The following ATP6AP1 variants were observed in gnomAD, a reference collection of about 807,000 sequenced individuals.
The protein encoded by ATP6AP1 is V-type proton ATPase subunit S1.
Under a neutral mutation model 32.0 loss-of-function variants are expected in ATP6AP1, and 1 was observed. The ratio of observed to expected loss-of-function variants is 0.03; its 90% CI spans 0.01 to 0.15. The LOEUF (loss-of-function observed/expected upper bound fraction) is 0.15, where lower values mean the gene tolerates loss of function less well. Among genes scored for constraint, ATP6AP1 ranks in the 10% least tolerant of loss-of-function variants. ATP6AP1 has a pLI of 1.00. For synonymous variants in ATP6AP1, 187 were observed against 174.9 expected, an observed-to-expected ratio of 1.07 and a Z score of -0.55; for missense variants, 297 against 398.8, an observed-to-expected ratio of 0.74 and a Z score of 2.17.
At position 154,433,646 on chromosome X, in the gene ATP6AP1, G is replaced by A. The variant is rs782696227; in HGVS notation, c.610G>A (p.Gly204Arg). Residue 204 changes from glycine (G) to arginine (R), a missense_variant, in exon 6 of 10, where the codon GGG becomes AGG. Physicochemically the swap from Gly to Arg is moderately radical, Grantham distance 125. Coordinates refer to ENST00000369762, the MANE Select transcript of ATP6AP1 (RefSeq NM_001183.6). ...TTGTTGACCCTCAGATGAGGTCATC[G>A]GGCAGGTCCTGAGCACACTCAAGTC... Reference protein sequence around the residue: ...EVLTGNDEVIGQVLSTLKSED... With the variant: ...EVLTGNDEVIRQVLSTLKSED... 8 of 1,210,268 alleles carry A rather than the reference G, an allele frequency of 6.6e-6. No individual in the cohort carries two copies. In the African/African-American group the frequency reaches 7.0e-5, roughly 11 times the overall value.
chrX:154,433,498 C>T (rs1197517087), intron 5 of ATP6AP1, 137 bp from the exon 6 acceptor site: 6 of 630,856 alleles, frequency 9.5e-6, no homozygotes, highest in Non-Finnish European at 1.5e-5. Flanking sequence ...GAAGTAGCTG[C>T]TCCTAAGGAT....
chrX:154,432,748 G>A (rs1363997622), intron 4 of ATP6AP1, among the ~76,000 whole-genome samples, 183 bp from the exon 5 acceptor site: 2 of 112,006 alleles, frequency 1.8e-5, no homozygotes, highest in Admixed American at 1.9e-4. Flanking sequence ...CAGGTGGCCA[G>A]GACTTGAGTG....
intron 3 of ATP6AP1, 23 bp downstream of exon 3, chrX:154,431,927 G>C: frequency 5.9e-6 from 7 of 1,192,726 alleles, no homozygotes; most frequent in Non-Finnish European, 8.0e-6. Flanking sequence ...TCCCAGCCAG[G>C]GGCCATGGGG....
chrX:154,434,512 G>C, intron 7 of ATP6AP1, 66 bp downstream of exon 7: 3 of 1,073,399 alleles, frequency 2.8e-6, no homozygotes, highest in Non-Finnish European at 3.9e-6. Context: ...GTGGGTCGCA[G>C]GTGGGGCAGG....
chrX:154,432,695 C>A (rs1210052718), intron 4 of ATP6AP1, among the ~76,000 whole-genome samples: 1 of 112,182 alleles, frequency 8.9e-6, no homozygotes, highest in Non-Finnish European at 1.9e-5. Context: ...GTGAGCCCTG[C>A]GGGTGGGGAG....
chrX:154,434,649 G>T (rs1557197370), intron 7 of ATP6AP1, among the ~76,000 whole-genome samples: 1 of 111,540 alleles, frequency 9.0e-6, no homozygotes, highest in Non-Finnish European at 1.9e-5. Flanking sequence ...TCAGACTTCT[G>T]CCTCCCCATG....
chrX:154,435,586 C>T, intron 9 of ATP6AP1, 81 bp downstream of exon 9: 1 of 1,173,995 alleles, frequency 8.5e-7, no homozygotes. Flanking sequence ...TGGGCTTGGG[C>T]ATGTAGTTGA....
At chrX:154,430,800 A>G (rs191373669) in intron 2 of ATP6AP1, 6 of 111,182 alleles carry the variant, frequency 5.4e-5, no homozygotes, top group African/African-American at 2.0e-4. Flanking sequence ...GGGGAAGGAC[A>G]TTCCTGGAAC....
intron 2 of ATP6AP1, 22 bp downstream of exon 2, chrX:154,429,196 C>T: frequency 2.5e-6 from 3 of 1,208,168 alleles, no homozygotes; most frequent in African/African-American, 1.7e-5. Context: ...CCAGCCCACT[C>T]TCCCCCGGTC....
Position 154,435,289 on chromosome X carries a change from C to T in ATP6AP1, c.987C>T (p.Asn329=). 2.5e-6 allele frequency: 3 copies of T among 1,211,820 alleles called. No homozygotes were observed. Among genetic ancestry groups the T allele is most frequent in the Non-Finnish European group, 3.4e-6 (3 of 895,466 alleles). The change falls in exon 9 of 10, where the codon AAC becomes AAT. Residue 329 remains asparagine (N), a synonymous_variant. Coordinates refer to ENST00000369762, the MANE Select transcript of ATP6AP1 (RefSeq NM_001183.6). ...CCTTCCCCAGGTTCATTCTGGCCAA[C>T]CGCCTCTACCCAGTGTCTGCCCGGC... ...TTVTFKFILA[N]RLYPVSARHW...
At chrX:154,434,593 A>C (rs2068709836) in intron 7 of ATP6AP1, 147 bp downstream of exon 7, 2 of 552,349 alleles carry the variant, frequency 3.6e-6, no homozygotes, top group African/African-American at 4.6e-5. Context: ...CAGCGTGAGG[A>C]TGTAGGAGGT....
At chrX:154,429,461 G>A in intron 2 of ATP6AP1, 1 of 263,537 alleles carries the variant, frequency 3.8e-6, no homozygotes, top group Middle Eastern at 1.1e-3. Flanking sequence ...TGGTGGGTGG[G>A]GATTATCGTC....
chrX:154,429,078 T>C lies in ATP6AP1; in HGVS notation c.192T>C (p.His64=), dbSNP rs782351008. 3.3e-6 allele frequency: 4 copies of C among 1,211,834 alleles called. No individual in the cohort carries two copies. Among genetic ancestry groups the C allele is most frequent in the Non-Finnish European group, 3.4e-6 (3 of 895,488 alleles). ...TGTGGGCTCCTGCGGCCGACACTCA[T>C]GAAGGCCACATCACCAGCGACTTGC... The part of the protein sequence containing the change: ...RDLWAPAADT[H]EGHITSDLQL... The change falls in exon 2 of 10, where the codon CAT becomes CAC. Residue 64 remains histidine (H), a synonymous_variant. Transcript: ENST00000369762.
Position 154,434,219 on chromosome X carries a change from T to C in ATP6AP1, c.696T>C (p.Asp232=), listed in dbSNP as rs782098424. ...GGGTGTTTCTGCAGGTGGCCCGTGA[T>C]GTAGCCGTGGTGGCCGGAGGGCTAG... The part of the protein sequence containing the change: ...TAVRPSRVAR[D]VAVVAGGLGR... The change falls in exon 7 of 10, where the codon GAT becomes GAC. Residue 232 remains aspartate (D), a synonymous_variant. Coordinates refer to ENST00000369762, the MANE Select transcript of ATP6AP1 (RefSeq NM_001183.6). 3 of 1,211,768 alleles carry C rather than the reference T, an allele frequency of 2.5e-6. 1 individual carries two copies. In the East Asian group the frequency reaches 8.9e-5, roughly 36 times the overall value.
At chrX:154,435,031 AAGGACCCAAGGCAGCTT>A in intron 7 of ATP6AP1, 91 bp from the exon 8 acceptor site, 2 of 889,682 alleles carry the variant, frequency 2.2e-6, no homozygotes, top group South Asian at 4.9e-5. Context: ...AGGTGGCTGC[AAGGACCCAAGGCAGCTT>A]AGGTAGGAGC....
intron 4 of ATP6AP1, 114 bp downstream of exon 4, chrX:154,432,573 C>T (rs1312356529): frequency 5.0e-6 from 5 of 991,992 alleles, no homozygotes; most frequent in Non-Finnish European, 6.7e-6. Flanking sequence ...CCCACCCCCT[C>T]ACAGCCCTTC....
rs376840212 is a variant in ATP6AP1, at chrX:154,435,647, C to T, written c.1204-35C>T. 159 of 1,200,496 alleles carry T rather than the reference C, an allele frequency of 1.3e-4. No homozygotes were observed. The Middle Eastern group carries it at 1.4e-3, about 11-fold the overall frequency. ...TCCCAGTTCTTGCTGGGCCTCCCAACGGTCCTTTCTGACCCGTGTCTGTGT... is the reference window on the plus strand; with the variant it reads ...TCCCAGTTCTTGCTGGGCCTCCCAATGGTCCTTTCTGACCCGTGTCTGTGT... On this transcript the variant is annotated intron_variant, in intron 9 of 9. Transcript: ENST00000369762.
rs932417262 is a variant in ATP6AP1, at chrX:154,436,126, G to T, written c.*235G>T. The T allele has an allele frequency of 1.7e-5, 7 of 418,869 alleles. No homozygotes were observed. The African/African-American group carries it at 1.7e-4, about 10-fold the overall frequency. 34.5% of individuals were successfully genotyped at this position (418,869 alleles called of 1,213,427 possible). On this transcript the variant is annotated 3_prime_UTR_variant, in exon 10 of 10. Transcript: ENST00000369762. ...ATGCTAGACCAACCAGCTTCCCAGG[G>T]TTCGTCGCTGTGAGGCGTAAGGGAC... is the stretch of plus-strand genomic sequence containing the variant.
At chrX:154,431,732 T>C (rs781786319) in intron 2 of ATP6AP1, 98 bp from the exon 3 acceptor site, 13 of 831,594 alleles carry the variant, frequency 1.6e-5, no homozygotes, top group Non-Finnish European at 2.3e-5. Context: ...AGTGAGACTT[T>C]GCTGGCCCTG....
Sources: gnomAD v4.1 joint callset for allele counts (sites outside exome capture counted in the v4.1 genomes callset) on GRCh38, gnomAD v4.1.1 for gene constraint, MANE v1.5 for transcripts, NCBI Gene and HGNC (gene_info 2026-07-23, HGNC 2026-07-21) for gene names.